The following PKN2 variants were observed in gnomAD, a reference collection of about 807,000 sequenced individuals.
PKN2 encodes serine/threonine-protein kinase N2.
Under a neutral mutation model 119.1 loss-of-function variants are expected in PKN2, and 38 were observed. The ratio of observed to expected loss-of-function variants is 0.32; its 90% CI spans 0.25 to 0.42. PKN2 has a LOEUF of 0.42. Ranked by LOEUF, PKN2 falls within the 10% of genes least tolerant of loss-of-function variation. PKN2 has a pLI of 1.00. For missense variants in PKN2, 850 were observed against 1,165.1 expected, an observed-to-expected ratio of 0.73 and a Z score of 3.94; for synonymous variants, 390 against 384.9, an observed-to-expected ratio of 1.01 and a Z score of -0.15.
chr1:88,827,844 C>T (rs1450254846), intron 18 of PKN2, among the ~76,000 whole-genome samples: 1 of 151,912 alleles, frequency 6.6e-6, no homozygotes, highest in African/African-American at 2.4e-5. Flanking sequence ...CTCAACCTCC[C>T]GAGTAGCTGA....
chr1:88,755,077 T>A (rs1168170963), intron 2 of PKN2, among the ~76,000 whole-genome samples: 2 of 152,198 alleles, frequency 1.3e-5, no homozygotes, highest in Non-Finnish European at 2.9e-5. Flanking sequence ...ATTCACCTCT[T>A]TTTGTAATGT....
At chr1:88,790,374 C>A (rs935496693) in intron 8 of PKN2, among the ~76,000 whole-genome samples, 3 of 152,102 alleles carry the variant, frequency 2.0e-5, no homozygotes, top group East Asian at 1.9e-4. Flanking sequence ...GTATAGAATT[C>A]TTTTAGGTTG....
intron 1 of PKN2, among the ~76,000 whole-genome samples, chr1:88,713,239 G>A (rs1667312012): frequency 6.6e-6 from 1 of 152,152 alleles, no homozygotes; most frequent in Admixed American, 6.5e-5. Flanking sequence ...AAACATACAT[G>A]TGCATATGTC....
intron 6 of PKN2, among the ~76,000 whole-genome samples, chr1:88,783,994 A>G (rs879377001): frequency 1.3e-5 from 2 of 152,018 alleles, no homozygotes; most frequent in African/African-American, 4.8e-5. Context: ...AGACTTCCTT[A>G]TTTCCAATTT....
intron 1 of PKN2, among the ~76,000 whole-genome samples, chr1:88,713,096 A>C (rs1667302509): frequency 6.6e-6 from 1 of 152,188 alleles, no homozygotes; most frequent in Non-Finnish European, 1.5e-5. Flanking sequence ...CCTACAAAGG[A>C]AGTGAACTCA....
At position 88,823,658 on chromosome 1, in the gene PKN2, C is replaced by T. The variant is rs4655886; in HGVS notation, c.2343-652C>T. ...AGTGGATGTTGCAGTGAGCCAAGAT[C>T]ACACCAGTGCTCTCCAGCCTGGGTG... is the stretch of plus-strand genomic sequence containing the variant. On this transcript the variant is annotated intron_variant, in intron 17 of 21. Coordinates refer to ENST00000370521, the MANE Select transcript of PKN2 (RefSeq NM_006256.4). 2.6e-3 allele frequency among the ~76,000 whole-genome samples: 363 copies of T among 141,800 alleles called. 9 individuals carry two copies. Among genetic ancestry groups the T allele is most frequent in the Admixed American group, 0.02 (275 of 13,754 alleles). 93.0% of individuals were successfully genotyped at this position (141,800 alleles called of 152,430 possible). A position where few individuals can be genotyped will look rare whatever the true frequency, so the allele number is the denominator to read the frequency against.
chr1:88,696,400 T>C (rs1452191475), intron 1 of PKN2, among the ~76,000 whole-genome samples: 1 of 152,220 alleles, frequency 6.6e-6, no homozygotes, highest in Non-Finnish European at 1.5e-5. Context: ...GGATGTTTTC[T>C]TTCTAGGGCT....
At chr1:88,699,682 GT>G (rs1357565069) in intron 1 of PKN2, among the ~76,000 whole-genome samples, 2 of 151,992 alleles carry the variant, frequency 1.3e-5, no homozygotes, top group African/African-American at 4.8e-5. Flanking sequence ...ATGGTATTTG[GT>G]TTTTTGTTCT....
chr1:88,770,552 T>A, intron 4 of PKN2, 83 bp downstream of exon 4: 1 of 739,556 alleles, frequency 1.4e-6, no homozygotes, highest in Non-Finnish European at 2.4e-6. Context: ...GGTTCAAAGT[T>A]AAGAGGGAGG....
intron 1 of PKN2, among the ~76,000 whole-genome samples, chr1:88,734,451 G>C (rs953302686): frequency 6.6e-6 from 1 of 152,104 alleles, no homozygotes; most frequent in Non-Finnish European, 1.5e-5. Flanking sequence ...AACACCACTT[G>C]TTGCCCTTTT....
chr1:88,751,114 C>G (rs920483168), intron 2 of PKN2, among the ~76,000 whole-genome samples: 1 of 152,100 alleles, frequency 6.6e-6, no homozygotes, highest in African/African-American at 2.4e-5. Context: ...TGCTACTAAT[C>G]CCAGCTCTAA....
At position 88,836,092 on chromosome 1, in the gene PKN2, T is replaced by C. The variant is rs1672933429; in HGVS notation, c.*2644T>C. ...TGTATAGATACTGAGAATAGGAAGTTTTTTTTTTTAAAGCAACAAAATGTT... is the reference window on the plus strand; with the variant it reads ...TGTATAGATACTGAGAATAGGAAGTCTTTTTTTTTAAAGCAACAAAATGTT... On this transcript the variant is annotated 3_prime_UTR_variant, in exon 22 of 22. Transcript: ENST00000370521. 1 of 150,696 alleles carries C rather than the reference T, an allele frequency of 6.6e-6. No individual in the cohort carries two copies. The highest frequency in any genetic ancestry group is 2.4e-5 in the African/African-American group (1 of 41,114). 9.3% of individuals were successfully genotyped at this position (150,696 alleles called of 1,614,324 possible).
chr1:88,824,709 A>T (rs1418291216), intron 18 of PKN2, among the ~76,000 whole-genome samples: 1 of 152,246 alleles, frequency 6.6e-6, no homozygotes, highest in African/African-American at 2.4e-5. Context: ...TGAATTTCAT[A>T]GGCCTGATAA....
At chr1:88,788,878 T>C (rs1474547931) in intron 8 of PKN2, among the ~76,000 whole-genome samples, 4 of 152,214 alleles carry the variant, frequency 2.6e-5, no homozygotes, top group Non-Finnish European at 1.5e-5. Context: ...CTTCCTGTTA[T>C]AAAAAGCTTA....
chr1:88,756,501 C>T (rs1007308559), intron 2 of PKN2, among the ~76,000 whole-genome samples: 4 of 152,114 alleles, frequency 2.6e-5, no homozygotes, highest in African/African-American at 9.7e-5. Flanking sequence ...CCTTCTCATC[C>T]TAGGCTAAAT....
At chr1:88,818,647 CAAAAAAAA>C (rs199849657) in intron 16 of PKN2, among the ~76,000 whole-genome samples, 1 of 81,754 alleles carries the variant, frequency 1.2e-5, no homozygotes, top group African/African-American at 3.5e-5. Flanking sequence ...GACTCCTTCT[CAAAAAAAA>C]AAAAAAAAGA....
In PKN2 at chr1:88,807,417, T is replaced by G; in HGVS notation, c.1908T>G (p.Ser636Arg). The change falls in exon 13 of 22, where the codon AGT becomes AGG. Residue 636 changes from serine to arginine, a missense_variant. Physicochemically the swap from Ser to Arg is moderately radical, Grantham distance 110 (BLOSUM62 -1). Coordinates refer to ENST00000370521, the MANE Select transcript of PKN2 (RefSeq NM_006256.4). ...PDTPQSGLEY[S>R]GIQELEDRRS... The stretch of plus-strand genomic sequence containing the variant: ...CTCCTCAGTCAGGCCTAGAATATAG[T>G]GGTATTCAAGAACTTGAGGACAGAA... 3 of 1,610,586 alleles carry G rather than the reference T, an allele frequency of 1.9e-6. No homozygotes were observed. The highest frequency in any genetic ancestry group is 2.5e-6 in the Non-Finnish European group (3 of 1,178,396).
intron 16 of PKN2, among the ~76,000 whole-genome samples, chr1:88,817,688 G>A (rs150519463): frequency 0.011 from 1,577 of 146,644 alleles, 22 homozygotes; most frequent in African/African-American, 0.035. Context: ...CAGTCTGGGC[G>A]ACAAAGCGAG....
chr1:88,824,204 T>G, intron 17 of PKN2, 106 bp from the exon 18 acceptor site: 1 of 598,730 alleles, frequency 1.7e-6, no homozygotes, highest in Non-Finnish European at 3.0e-6. Context: ...ATCCCATTTT[T>G]AATAAAGAGA....
Sources: gnomAD v4.1 joint callset for allele counts (sites outside exome capture counted in the v4.1 genomes callset) on GRCh38, gnomAD v4.1.1 for gene constraint, MANE v1.5 for transcripts, NCBI Gene and HGNC (gene_info 2026-07-23, HGNC 2026-07-21) for gene names.